SGCZ: variants seen among roughly 807,000 people sequenced by gnomAD.
SGCZ encodes the protein sarcoglycan zeta.
A neutral mutation model predicts 41.3 loss-of-function variants in SGCZ; 40 were observed. The ratio of observed to expected loss-of-function variants is 0.97; its 90% CI spans 0.75 to 1.26. The LOEUF (loss-of-function observed/expected upper bound fraction) is 1.26. Ranked by LOEUF, SGCZ falls within the 50% of genes most tolerant of loss-of-function variation. SGCZ has a pLI of 0.00. For missense variants in SGCZ, 552 were observed against 369.8 expected, an observed-to-expected ratio of 1.49 and a Z score of -4.04; for synonymous variants, 206 against 137.5, an observed-to-expected ratio of 1.50 and a Z score of -3.49.
chr8:14,713,700 A>C (rs1809595506), intron 1 of SGCZ, among the ~76,000 whole-genome samples: 1 of 149,854 alleles, frequency 6.7e-6, no homozygotes, highest in Admixed American at 6.6e-5. Flanking sequence ...CAAAAGAAAA[A>C]AAAAAAAGCT....
chr8:15,129,331 G>A (rs193261239), intron 1 of SGCZ, among the ~76,000 whole-genome samples: 4 of 152,090 alleles, frequency 2.6e-5, no homozygotes, highest in African/African-American at 9.7e-5. Flanking sequence ...GCTTGCCACA[G>A]TTAACACTTA....
intron 1 of SGCZ, among the ~76,000 whole-genome samples, chr8:15,118,556 G>A (rs1190746171): frequency 6.6e-6 from 1 of 152,160 alleles, no homozygotes; most frequent in African/African-American, 2.4e-5. Flanking sequence ...CTGTGGATGT[G>A]TGCGTGGAAG....
Position 14,586,746 on chromosome 8 carries a change from C to G in SGCZ, c.40-31820G>C, listed in dbSNP as rs117554273. 9.2e-5 allele frequency among the ~76,000 whole-genome samples: 14 copies of G among 152,150 alleles called. No individual in the cohort carries two copies. In the East Asian group the frequency reaches 2.5e-3, roughly 27 times the overall value. On this transcript the variant is annotated intron_variant, in intron 1 of 7. Transcript: ENST00000382080. The stretch of plus-strand genomic sequence containing the variant: ...CTAAAAATGTATTGTATATCACTTT[C>G]TTTTATGAAATATCTACGTTTTAAG...
intron 1 of SGCZ, among the ~76,000 whole-genome samples, chr8:14,978,196 G>A (rs1271533697): frequency 6.6e-6 from 1 of 151,128 alleles, no homozygotes; most frequent in African/African-American, 2.4e-5. Flanking sequence ...GGCCGGGTGT[G>A]GTGGCTCACA....
chr8:15,103,490 A>G (rs992541150), intron 1 of SGCZ, among the ~76,000 whole-genome samples: 7 of 152,266 alleles, frequency 4.6e-5, no homozygotes, highest in African/African-American at 1.4e-4. Flanking sequence ...CTTGTAAAAC[A>G]AATGGAAATA....
intron 1 of SGCZ, among the ~76,000 whole-genome samples, chr8:14,836,848 C>G (rs75357302): frequency 6.6e-6 from 1 of 152,128 alleles, no homozygotes; most frequent in Admixed American, 6.6e-5. Flanking sequence ...TCACTTCCTT[C>G]TTAAAAATAT....
chr8:14,304,783 T>A (rs1801298764), intron 3 of SGCZ, among the ~76,000 whole-genome samples: 1 of 152,174 alleles, frequency 6.6e-6, no homozygotes. Flanking sequence ...CTATTTTAAC[T>A]GTGTAAAATG....
chr8:14,358,485 T>C lies in SGCZ; in HGVS notation c.235-34281A>G, dbSNP rs536306926. ...ATGTATGGCTAAACTTCAGTTACTA[T>C]ATAAAATATGTTATATGTCAAGGAA... is the stretch of plus-strand genomic sequence containing the variant. On this transcript the variant is annotated intron_variant, in intron 2 of 7. Transcript: ENST00000382080. Among the ~76,000 whole-genome samples the C allele has an allele frequency of 3.9e-5, 6 of 152,298 alleles. No homozygotes were observed. The South Asian group carries it at 1.2e-3, about 32-fold the overall frequency.
chr8:14,519,074 A>G (rs1279138094), intron 2 of SGCZ, among the ~76,000 whole-genome samples: 2 of 151,560 alleles, frequency 1.3e-5, no homozygotes, highest in Non-Finnish European at 2.9e-5. Context: ...GTCTAAAAAA[A>G]AAAAAAAAAA....
At chr8:14,445,774 G>C (rs374175979) in intron 2 of SGCZ, among the ~76,000 whole-genome samples, 2 of 152,306 alleles carry the variant, frequency 1.3e-5, no homozygotes, top group South Asian at 4.1e-4. Context: ...TGAGCTGTTA[G>C]TCTGCAGACA....
At chr8:14,830,420 A>G (rs1041525341) in intron 1 of SGCZ, among the ~76,000 whole-genome samples, 4 of 152,216 alleles carry the variant, frequency 2.6e-5, no homozygotes, top group African/African-American at 7.2e-5. Flanking sequence ...TACAATTATT[A>G]CAGTTTAAAG....
chr8:14,380,255 CTG>C (rs1192279097), intron 2 of SGCZ, among the ~76,000 whole-genome samples: 1 of 152,166 alleles, frequency 6.6e-6, no homozygotes, highest in African/African-American at 2.4e-5. Flanking sequence ...AGTACAGACA[CTG>C]TCACATCCAT....
At chr8:14,148,785 T>C (rs534130305) in intron 5 of SGCZ, among the ~76,000 whole-genome samples, 1 of 152,140 alleles carries the variant, frequency 6.6e-6, no homozygotes, top group Admixed American at 6.5e-5. Context: ...GCAAAAATCT[T>C]CCATAAAATA....
intron 1 of SGCZ, among the ~76,000 whole-genome samples, chr8:14,937,409 G>A (rs943063977): frequency 6.6e-5 from 10 of 152,000 alleles, no homozygotes; most frequent in Non-Finnish European, 1.0e-4. Flanking sequence ...ACAGATCCAT[G>A]TTGTTTTTAA....
chr8:14,980,848 T>C (rs1028476397), intron 1 of SGCZ, among the ~76,000 whole-genome samples: 2 of 152,148 alleles, frequency 1.3e-5, no homozygotes, highest in African/African-American at 4.8e-5. Context: ...ATTAATAATC[T>C]GTCTCTCTAT....
chr8:14,523,593 T>C (rs1802853435), intron 2 of SGCZ, among the ~76,000 whole-genome samples: 1 of 152,098 alleles, frequency 6.6e-6, no homozygotes, highest in South Asian at 2.1e-4. Context: ...CTTTTATAAA[T>C]TATTTTTGTT....
chr8:14,188,948 C>T (rs981443631), intron 4 of SGCZ, among the ~76,000 whole-genome samples: 1 of 151,362 alleles, frequency 6.6e-6, no homozygotes, highest in Non-Finnish European at 1.5e-5. Context: ...CTCCATCACC[C>T]GGGTTCAAGC....
intron 7 of SGCZ, among the ~76,000 whole-genome samples, chr8:14,092,516 T>G (rs1455044336): frequency 2.6e-5 from 4 of 152,008 alleles, no homozygotes; most frequent in Admixed American, 2.6e-4. Flanking sequence ...CACCCAAACC[T>G]CATCTTGAAT....
chr8:14,182,871 G>T (rs533906939), intron 4 of SGCZ, among the ~76,000 whole-genome samples: 3 of 151,808 alleles, frequency 2.0e-5, no homozygotes, highest in African/African-American at 7.3e-5. Flanking sequence ...TTAGCTGAGC[G>T]GGGAGGCAGG....
Sources: gnomAD v4.1 joint callset for allele counts (sites outside exome capture counted in the v4.1 genomes callset) on GRCh38, gnomAD v4.1.1 for gene constraint, MANE v1.5 for transcripts, NCBI Gene and HGNC (gene_info 2026-07-23, HGNC 2026-07-21) for gene names.